Variants in RELN observed in about 807,000 individuals in gnomAD.
The protein encoded by RELN is reelin.
RELN carries 108 observed loss-of-function variants against 427.6 expected under a neutral mutation model. The observed-to-expected ratio is 0.25, with a 90% confidence interval of 0.22 to 0.30. The LOEUF (loss-of-function observed/expected upper bound fraction) is 0.30. RELN is among the 10% of genes least tolerant of loss of function. The pLI is 1.00. For synonymous variants in RELN, 1,524 were observed against 1,513.4 expected, an observed-to-expected ratio of 1.01 and a Z score of -0.16; for missense variants, 3,715 against 4,302.8, an observed-to-expected ratio of 0.86 and a Z score of 3.82.
chr7:103,636,534 T>C (rs1233900442), intron 17 of RELN, 66 bp from the exon 18 acceptor site: 4 of 1,064,112 alleles, frequency 3.8e-6, no homozygotes. Context: ...CGAATCTACT[T>C]TGGGGAGGAA....
At chr7:103,546,507 G>GT (rs1830300317) in intron 41 of RELN, among the ~76,000 whole-genome samples, 1 of 152,134 alleles carries the variant, frequency 6.6e-6, no homozygotes, top group South Asian at 2.1e-4. Flanking sequence ...ATTCTTTTGG[G>GT]TAGAAGGGTA....
chr7:103,615,664 G>C (rs1482518429), intron 20 of RELN, among the ~76,000 whole-genome samples: 1 of 152,136 alleles, frequency 6.6e-6, no homozygotes, highest in Admixed American at 6.5e-5. Context: ...GGGTCACACA[G>C]TTACTAAAAA....
chr7:103,694,051 A>G (rs1204265570), intron 10 of RELN, among the ~76,000 whole-genome samples: 1 of 152,188 alleles, frequency 6.6e-6, no homozygotes, highest in African/African-American at 2.4e-5. Context: ...TTTGGGCTGC[A>G]CTTGCTAAAC....
chr7:103,731,652 T>C lies in RELN; in HGVS notation c.657-3445A>G, dbSNP rs145820259. Among the ~76,000 whole-genome samples, 24 of 152,188 alleles carry C rather than the reference T, an allele frequency of 1.6e-4. No homozygotes were observed. In the East Asian group the frequency reaches 2.1e-3, roughly 13 times the overall value. The stretch of plus-strand genomic sequence containing the variant: ...AATCCAACTTTTAGAAAAATTACTA[T>C]AGCAAATTATGGGCTGGAGGTAGAA... On this transcript the variant is annotated intron_variant, in intron 6 of 64. Transcript: ENST00000428762.
chr7:103,564,338 G>A (rs890399586), intron 34 of RELN, among the ~76,000 whole-genome samples: 8 of 152,368 alleles, frequency 5.3e-5, no homozygotes, highest in Middle Eastern at 3.4e-3. Context: ...TTAGTGCAAG[G>A]AATTGGATGT....
At chr7:103,746,178 AT>A (rs1375472496) in intron 6 of RELN, among the ~76,000 whole-genome samples, 3 of 152,160 alleles carry the variant, frequency 2.0e-5, no homozygotes, top group African/African-American at 7.2e-5. Context: ...AGAATTCCCT[AT>A]TTAATAAATG....
At chr7:103,598,322 T>A (rs1009666259) in intron 24 of RELN, among the ~76,000 whole-genome samples, 5 of 152,274 alleles carry the variant, frequency 3.3e-5, no homozygotes, top group African/African-American at 7.2e-5. Context: ...TTGTTATATA[T>A]GCCTTTTAAT....
At chr7:103,765,791 T>C (rs1031668826) in intron 4 of RELN, among the ~76,000 whole-genome samples, 6 of 152,182 alleles carry the variant, frequency 3.9e-5, no homozygotes, top group Non-Finnish European at 7.3e-5. Flanking sequence ...AAAATCCTTC[T>C]TGGGCATAAA....
chr7:103,519,673 C>T (rs901076511), intron 48 of RELN, among the ~76,000 whole-genome samples, 157 bp from the exon 49 acceptor site: 1 of 151,108 alleles, frequency 6.6e-6, no homozygotes, highest in Non-Finnish European at 1.5e-5. Context: ...GCCTTGACCT[C>T]CTGGGTTCAA....
intron 11 of RELN, among the ~76,000 whole-genome samples, chr7:103,676,201 A>C (rs575417371): frequency 1.3e-5 from 2 of 152,116 alleles, no homozygotes; most frequent in East Asian, 1.9e-4. Context: ...AGAAAAAAAT[A>C]AAAAAACCCC....
chr7:103,746,747 T>TC (rs1256364173), intron 6 of RELN, among the ~76,000 whole-genome samples: 5 of 150,826 alleles, frequency 3.3e-5, no homozygotes, highest in Admixed American at 6.6e-5. Flanking sequence ...TGGCGATCAT[T>TC]AAAAAGTCAG....
intron 53 of RELN, among the ~76,000 whole-genome samples, chr7:103,498,499 T>A (rs1319008756): frequency 2.1e-5 from 1 of 48,656 alleles, no homozygotes; most frequent in African/African-American, 3.9e-4. Context: ...ACTATATCAA[T>A]TTTTTTTTTT....
At chr7:103,828,532 C>T (rs1428612641) in intron 3 of RELN, among the ~76,000 whole-genome samples, 1 of 151,892 alleles carries the variant, frequency 6.6e-6, no homozygotes, top group Non-Finnish European at 1.5e-5. Flanking sequence ...AATTTAGGCA[C>T]AAACCTGATC....
At chr7:103,651,569 A>T (rs1584377673) in intron 15 of RELN, 92 bp downstream of exon 15, 1 of 1,290,988 alleles carries the variant, frequency 7.7e-7, no homozygotes, top group South Asian at 1.2e-5. Flanking sequence ...CTTACCTATT[A>T]TGACAAAAAT....
chr7:103,560,883 G>A (rs1453109991), intron 36 of RELN, among the ~76,000 whole-genome samples: 1 of 152,180 alleles, frequency 6.6e-6, no homozygotes, highest in Non-Finnish European at 1.5e-5. Context: ...CATTAGGGCT[G>A]TACAGAAACC....
chr7:103,911,714 T>C, intron 2 of RELN, among the ~76,000 whole-genome samples: 2 of 142,266 alleles, frequency 1.4e-5, no homozygotes, highest in South Asian at 2.4e-4. Flanking sequence ...GGGACATGGA[T>C]GAAATTGGAA....
At chr7:103,702,146 A>G (rs1472784224) in intron 8 of RELN, among the ~76,000 whole-genome samples, 2 of 152,218 alleles carry the variant, frequency 1.3e-5, no homozygotes, top group African/African-American at 4.8e-5. Context: ...TCAAATGGAA[A>G]CCCACCTTAT....
chr7:103,478,601 G>A, intron 63 of RELN: 1 of 545,248 alleles, frequency 1.8e-6, no homozygotes, highest in Non-Finnish European at 3.3e-6. Context: ...TCTATGTAAT[G>A]TAACATGCAA....
chr7:103,712,956 A>C, intron 8 of RELN, among the ~76,000 whole-genome samples: 1 of 152,194 alleles, frequency 6.6e-6, no homozygotes, highest in East Asian at 1.9e-4. Flanking sequence ...AGAATGCAAT[A>C]GAAGAAGCTA....
Sources: allele counts gnomAD v4.1 joint callset (sites outside exome capture counted in the v4.1 genomes callset), GRCh38; gene constraint gnomAD v4.1.1; transcripts MANE v1.5; gene names NCBI Gene and HGNC (gene_info 2026-07-23, HGNC 2026-07-21).